Variants in JAK2 observed in about 807,000 individuals in gnomAD.
JAK2 encodes the protein tyrosine-protein kinase JAK2.
Under a neutral mutation model 139.3 loss-of-function variants are expected in JAK2, and 86 were observed. The ratio of observed to expected loss-of-function variants is 0.62; its 90% CI spans 0.52 to 0.74. The LOEUF (loss-of-function observed/expected upper bound fraction) is 0.74, where lower values mean the gene tolerates loss of function less well. Among genes scored for constraint, JAK2 ranks in the 30% least tolerant of loss-of-function variants. The pLI is 0.00. For synonymous variants in JAK2, 490 were observed against 437.7 expected (o/e 1.12, Z -1.49); for missense variants, 1,421 against 1,360.3 (o/e 1.04, Z -0.70).
chr9:5,052,042 A>G (rs1308401597), intron 6 of JAK2, among the ~76,000 whole-genome samples: 1 of 152,130 alleles, frequency 6.6e-6, no homozygotes, highest in Non-Finnish European at 1.5e-5. Flanking sequence ...AGTAGAACAT[A>G]GTTGGAGGAA....
intron 22 of JAK2, chr9:5,098,688 C>T (rs1821218312): frequency 6.6e-6 from 1 of 151,630 alleles, no homozygotes. Context: ...AAGAATTAAG[C>T]TTCAATTCCT....
At chr9:5,010,068 A>C (rs1821593500) in intron 2 of JAK2, among the ~76,000 whole-genome samples, 1 of 152,142 alleles carries the variant, frequency 6.6e-6, no homozygotes, top group Non-Finnish European at 1.5e-5. Context: ...CATCGCACCT[A>C]GCCTATGTAT....
Position 5,072,554 on chromosome 9 carries a change from A to G in JAK2, c.1704A>G (p.Gly568=). ...KIFKGVRREV[G]DYGQLHETEV... is the part of the protein sequence containing the mutation. ...TTAAAGGCGTACGAAGAGAAGTAGG[A>G]GACTACGGTCAACTGCATGAAACAG... The change falls in exon 13 of 25, where the codon GGA becomes GGG. Residue 568 remains glycine, a synonymous_variant. Coordinates refer to ENST00000381652, the MANE Select transcript of JAK2 (RefSeq NM_004972.4). 3.1e-6 allele frequency: 5 copies of G among 1,611,102 alleles called. No homozygotes were observed. The highest frequency in any genetic ancestry group is 4.2e-6 in the Non-Finnish European group (5 of 1,177,982).
intron 4 of JAK2, among the ~76,000 whole-genome samples, chr9:5,034,626 T>C (rs1017262131): frequency 4.0e-5 from 6 of 151,856 alleles, no homozygotes; most frequent in African/African-American, 1.2e-4. Context: ...AACAACCTGC[T>C]CCTGAATGAC....
chr9:5,013,521 C>G (rs943530505), intron 2 of JAK2, among the ~76,000 whole-genome samples: 4 of 152,222 alleles, frequency 2.6e-5, no homozygotes, highest in African/African-American at 9.6e-5. Context: ...TTGAGAAGCA[C>G]TGACCTATCT....
intron 22 of JAK2, among the ~76,000 whole-genome samples, chr9:5,120,853 A>T (rs1020126711): frequency 6.6e-6 from 1 of 152,206 alleles, no homozygotes; most frequent in African/African-American, 2.4e-5. Flanking sequence ...ATAGATTGTG[A>T]TGCTATTTAT....
At position 5,060,866 on chromosome 9, in the gene JAK2, T is replaced by C. The variant is rs142390729; in HGVS notation, c.1057-4017T>C. Among the ~76,000 whole-genome samples the C allele has an allele frequency of 3.0e-3, 452 of 152,344 alleles. 1 individual carries two copies. Among genetic ancestry groups the C allele is most frequent in the African/African-American group, 0.01 (434 of 41,582 alleles). On this transcript the variant is annotated intron_variant, in intron 8 of 24. Transcript: ENST00000381652. ...TCTATGGCAGCTTAGCCTTACAAAA[T>C]GTATTTCTTAGATAATAAGACTTGA...
At chr9:5,120,300 G>T (rs556934116) in intron 22 of JAK2, among the ~76,000 whole-genome samples, 1 of 152,302 alleles carries the variant, frequency 6.6e-6, no homozygotes, top group Admixed American at 6.5e-5. Flanking sequence ...ATCTCTTAAA[G>T]GCCCCACCTG....
chr9:5,087,014 T>C (rs192770270), intron 19 of JAK2, among the ~76,000 whole-genome samples: 1 of 152,358 alleles, frequency 6.6e-6, no homozygotes, highest in East Asian at 1.9e-4. Context: ...AAATTGTGCT[T>C]CCATCCCTCA....
rs1816836399 is a variant in JAK2 at position 5,044,285 on chromosome 9, G to C, written c.351-118G>C. The C allele has an allele frequency of 4.5e-6, 3 of 673,418 alleles. No individual in the cohort carries two copies. The South Asian group carries it at 5.2e-5, about 12-fold the overall frequency. The allele number at this position is 673,418 out of a possible 1,614,324, so 41.7% of individuals were successfully genotyped here. A position where few individuals can be genotyped will look rare whatever the true frequency, so the allele number is the denominator to read the frequency against. On this transcript the variant is annotated intron_variant, in intron 4 of 24. Transcript: ENST00000381652. ...CTCACATTTATATTTAATACTGTTA[G>C]CTGTGTTTTCTAAGTATGGGATAAT... is the stretch of plus-strand genomic sequence containing the variant.
chr9:5,031,272 T>C (rs1823127142), intron 4 of JAK2, among the ~76,000 whole-genome samples: 1 of 152,198 alleles, frequency 6.6e-6, no homozygotes, highest in African/African-American at 2.4e-5. Flanking sequence ...TACCTGGCAA[T>C]TGTAAAATAT....
At chr9:5,021,784 C>T (rs1822448319) in intron 2 of JAK2, among the ~76,000 whole-genome samples, 179 bp from the exon 3 acceptor site, 1 of 152,086 alleles carries the variant, frequency 6.6e-6, no homozygotes. Flanking sequence ...GCTGCCACGC[C>T]CAGCTAATTT....
At position 4,986,000 on chromosome 9, in the gene JAK2, C is replaced by G. The variant is rs1390661718; in HGVS notation, c.-48C>G. The G allele has an allele frequency of 1.3e-5, 2 of 152,698 alleles. No individual in the cohort carries two copies. Among genetic ancestry groups the G allele is most frequent in the Non-Finnish European group, 2.9e-5 (2 of 68,088 alleles). 9.5% of individuals were successfully genotyped at this position (152,698 alleles called of 1,614,324 possible). On this transcript the variant is annotated 5_prime_UTR_variant, in exon 2 of 25. Coordinates refer to ENST00000381652, the MANE Select transcript of JAK2 (RefSeq NM_004972.4). ...TGTTTCTCTTCTGCAGAAAAAGAGG[C>G]TCTTCCTCCTCCTCCCGCGACGGTG...
chr9:5,005,714 G>C (rs780457677), intron 2 of JAK2, among the ~76,000 whole-genome samples: 4 of 152,024 alleles, frequency 2.6e-5, no homozygotes, highest in Non-Finnish European at 5.9e-5. Flanking sequence ...TATTTCCTGA[G>C]AGAGTTTGTA....
chr9:4,991,368 C>G (rs1027431863), intron 2 of JAK2, among the ~76,000 whole-genome samples: 2 of 152,066 alleles, frequency 1.3e-5, no homozygotes, highest in African/African-American at 4.8e-5. Context: ...CTCATTAGTT[C>G]TTACTAAGTG....
In JAK2 at chr9:5,054,413, T is replaced by TG; in HGVS notation, c.615-145dup. The TG allele has an allele frequency of 1.7e-6, 1 of 595,718 alleles. No individual in the cohort carries two copies. Among genetic ancestry groups the TG allele is most frequent in the Non-Finnish European group, 3.0e-6 (1 of 331,456 alleles). 36.9% of individuals were successfully genotyped at this position (595,718 alleles called of 1,614,324 possible). On this transcript the variant is annotated intron_variant, in intron 6 of 24. Transcript: ENST00000381652. The surrounding 1 kb of genome is among the most constrained non-coding windows in gnomAD (Gnocchi z 4.9). ...ATCTTAAAGTTTTATACTGTATGGA[T>TG]GGGGGTTATGTCAACTTACGCCACT...
At chr9:5,057,675 T>C (rs1182940039) in intron 8 of JAK2, among the ~76,000 whole-genome samples, 1 of 150,156 alleles carries the variant, frequency 6.7e-6, no homozygotes, top group East Asian at 2.0e-4. Flanking sequence ...CTGTGCCTCC[T>C]GGGTTCAAGC....
rs767716396 is a variant in JAK2 at position 5,054,658 on chromosome 9, T to C, written c.710T>C (p.Ile237Thr). 6.2e-7 allele frequency: 1 copy of C among 1,613,340 alleles called. No individual in the cohort carries two copies. The highest frequency in any genetic ancestry group is 2.2e-5 in the East Asian group (1 of 44,862). ...ATAAGGTACAGATTTCGCAGATTTA[T>C]TCAGCAATTCAGCCAATGCAAAGCC... Reference protein sequence around the residue: ...KRIRYRFRRFIQQFSQCKATA... With the variant: ...KRIRYRFRRFTQQFSQCKATA... The change falls in exon 7 of 25, where the codon ATT becomes ACT. Residue 237 changes from isoleucine (I) to threonine (T), a missense_variant. Coordinates refer to ENST00000381652, the MANE Select transcript of JAK2 (RefSeq NM_004972.4). The surrounding 1 kb of genome is among the most constrained non-coding windows in gnomAD (Gnocchi z 4.9).
intron 3 of JAK2, among the ~76,000 whole-genome samples, chr9:5,026,684 G>T (rs528546483): frequency 1.3e-5 from 2 of 152,254 alleles, no homozygotes; most frequent in South Asian, 4.1e-4. Flanking sequence ...CTTGTTTTGA[G>T]TTCACGTGAT....
Sources: allele counts gnomAD v4.1 joint callset (sites outside exome capture counted in the v4.1 genomes callset), GRCh38; gene constraint gnomAD v4.1.1; non-coding constraint Gnocchi (gnomAD v3.1); transcripts MANE v1.5; gene names NCBI Gene and HGNC (gene_info 2026-07-23, HGNC 2026-07-21).